SYT16: variants seen among roughly 807,000 people sequenced by gnomAD.
SYT16 encodes synaptotagmin 16.
A neutral mutation model predicts 61.4 loss-of-function variants in SYT16; 42 were observed. The ratio of observed to expected loss-of-function variants is 0.68; its 90% CI spans 0.53 to 0.89. SYT16 has a LOEUF of 0.89. SYT16 is among the 40% of genes least tolerant of loss of function. The pLI, the probability that SYT16 is intolerant of heterozygous loss-of-function variation, is 0.00. For missense variants in SYT16, 804 were observed against 807.3 expected, an observed-to-expected ratio of 1.00 and a Z score of 0.05; for synonymous variants, 314 against 302.3, an observed-to-expected ratio of 1.04 and a Z score of -0.40.
chr14:61,883,715 C>T (rs555257550), intron 1 of SYT16, among the ~76,000 whole-genome samples: 1 of 152,294 alleles, frequency 6.6e-6, no homozygotes, highest in African/African-American at 2.4e-5. Flanking sequence ...TACCAATTTA[C>T]TGTATTAGTC....
At chr14:61,967,847 A>C (rs536750231) in intron 1 of SYT16, among the ~76,000 whole-genome samples, 3 of 152,278 alleles carry the variant, frequency 2.0e-5, no homozygotes, top group Middle Eastern at 3.4e-3. Context: ...GAAATGACTT[A>C]TACATTTCAG....
intron 1 of SYT16, among the ~76,000 whole-genome samples, chr14:61,906,299 TA>T (rs1175427038): frequency 2.0e-5 from 3 of 152,194 alleles, no homozygotes; most frequent in Non-Finnish European, 4.4e-5. Context: ...TTATGTTTTT[TA>T]GTAGCACAGT....
chr14:62,080,852 T>C lies in SYT16; in HGVS notation c.1012T>C (p.Leu338=). 1 of 1,599,980 alleles carries C rather than the reference T, an allele frequency of 6.3e-7. No individual in the cohort carries two copies. Among genetic ancestry groups the C allele is most frequent in the Non-Finnish European group, 8.5e-7 (1 of 1,172,990 alleles). The change falls in exon 6 of 8, where the codon TTG becomes CTG. Residue 338 remains leucine, a synonymous_variant. Coordinates refer to ENST00000683842, the MANE Select transcript of SYT16 (RefSeq NM_001367656.1). ...WSPEEQDRTN[L]QVPSGVSEPI... ...GCAACAGGAACAGGACAGGACCAATTTGCAGGTGCCATCCGGGGTCTCAGA... is the reference window on the plus strand; with the variant it reads ...GCAACAGGAACAGGACAGGACCAATCTGCAGGTGCCATCCGGGGTCTCAGA...
At chr14:61,872,068 A>ATACT (rs2047348647) in intron 1 of SYT16, among the ~76,000 whole-genome samples, 1 of 152,220 alleles carries the variant, frequency 6.6e-6, no homozygotes, top group Non-Finnish European at 1.5e-5. Flanking sequence ...AATAAATAGT[A>ATACT]GTTATCAATA....
chr14:61,978,467 G>GT (rs1416518736), intron 2 of SYT16, among the ~76,000 whole-genome samples: 3 of 152,218 alleles, frequency 2.0e-5, no homozygotes, highest in Non-Finnish European at 4.4e-5. Flanking sequence ...TGTAACCTCA[G>GT]TTGAACCACA....
chr14:61,882,481 A>T (rs1379017239), intron 1 of SYT16, among the ~76,000 whole-genome samples: 4 of 152,190 alleles, frequency 2.6e-5, no homozygotes, highest in Non-Finnish European at 4.4e-5. Context: ...CATGGGAGAA[A>T]CTACCCTCAT....
At position 62,103,483 on chromosome 14, in the gene SYT16, A is replaced by C. The variant is rs916517636; in HGVS notation, c.*2776A>C. 1.3e-5 allele frequency: 2 copies of C among 152,212 alleles called. No individual in the cohort carries two copies. The highest frequency in any genetic ancestry group is 4.8e-5 in the African/African-American group (2 of 41,456). 9.4% of individuals were successfully genotyped at this position (152,212 alleles called of 1,614,324 possible). Reference sequence around the variant, plus strand: ...CTGGGTTTATGGAAATCTGCTTTATAGTGTGCCTTCTTTTAGGGTGTGAGT... The same window carrying C: ...CTGGGTTTATGGAAATCTGCTTTATCGTGTGCCTTCTTTTAGGGTGTGAGT... On this transcript the variant is annotated 3_prime_UTR_variant, in exon 8 of 8. Transcript: ENST00000683842.
At chr14:61,839,215 G>T (rs754714777) in intron 1 of SYT16, among the ~76,000 whole-genome samples, 61 of 152,298 alleles carry the variant, frequency 4.0e-4, no homozygotes, top group South Asian at 8.3e-4. Flanking sequence ...AGGTGTTTAG[G>T]TGATAGGGCT....
chr14:62,093,179 A>G (rs1342927378), intron 7 of SYT16, among the ~76,000 whole-genome samples: 1 of 152,154 alleles, frequency 6.6e-6, no homozygotes, highest in East Asian at 1.9e-4. Flanking sequence ...AATAGAAGAG[A>G]GTAGAGATTT....
At position 62,067,912 on chromosome 14, in the gene SYT16, G is replaced by A. The variant is rs529341413; in HGVS notation, c.524-1691G>A. Among the ~76,000 whole-genome samples, 87 of 152,320 alleles carry A rather than the reference G, an allele frequency of 5.7e-4. 1 individual carries two copies. In the South Asian group the frequency reaches 0.017, roughly 30 times the overall value. On this transcript the variant is annotated intron_variant, in intron 3 of 7. Transcript: ENST00000683842. ...GAGGCACGAGAATTGCTTGAACCTA[G>A]GAGACAGAGGTTGCAGTGAGCTGAG... is the stretch of plus-strand genomic sequence containing the variant.
chr14:62,089,208 A>G (rs1236963419), intron 7 of SYT16, among the ~76,000 whole-genome samples: 1 of 151,990 alleles, frequency 6.6e-6, no homozygotes, highest in Non-Finnish European at 1.5e-5. Flanking sequence ...AATCCCAGCT[A>G]CTTAGGAGGC....
chr14:62,083,737 T>C (rs180675963), intron 6 of SYT16, among the ~76,000 whole-genome samples: 118 of 152,274 alleles, frequency 7.7e-4, no homozygotes, highest in African/African-American at 2.6e-3. Context: ...TCATTTCTTT[T>C]ATAGTTAAGA....
At chr14:61,835,250 A>ATTTTT (rs11378872) in intron 1 of SYT16, among the ~76,000 whole-genome samples, 19 of 110,802 alleles carry the variant, frequency 1.7e-4, no homozygotes, top group African/African-American at 3.2e-4. Flanking sequence ...TGAAAGGTGA[A>ATTTTT]TTTTTTTTTT....
intron 3 of SYT16, among the ~76,000 whole-genome samples, chr14:62,018,188 C>T (rs2053768115): frequency 6.6e-6 from 1 of 152,010 alleles, no homozygotes; most frequent in Non-Finnish European, 1.5e-5. Context: ...CAATAAGGTC[C>T]TGTGTCATCT....
intron 7 of SYT16, 82 bp downstream of exon 7, chr14:62,084,467 A>AT (rs1462111837): frequency 1.8e-5 from 26 of 1,432,848 alleles, no homozygotes; most frequent in Middle Eastern, 2.5e-4. Flanking sequence ...TAGTTCTTTA[A>AT]TTTTTACCAT....
At chr14:61,936,688 C>A (rs1566695557) in intron 1 of SYT16, among the ~76,000 whole-genome samples, 2 of 152,260 alleles carry the variant, frequency 1.3e-5, no homozygotes, top group East Asian at 3.9e-4. Context: ...TGCCACCTGT[C>A]TGTCCCCTCC....
At chr14:61,875,301 CCTTT>C (rs1555350924) in intron 1 of SYT16, among the ~76,000 whole-genome samples, 2 of 152,128 alleles carry the variant, frequency 1.3e-5, no homozygotes, top group Non-Finnish European at 2.9e-5. Context: ...GTGACTTTGA[CCTTT>C]CTATGTTTGG....
chr14:62,017,180 AT>A (rs1421534491), intron 3 of SYT16, among the ~76,000 whole-genome samples: 6 of 152,224 alleles, frequency 3.9e-5, no homozygotes, highest in African/African-American at 1.2e-4. Flanking sequence ...TTTATTAATA[AT>A]TCTTTAGAGA....
intron 1 of SYT16, among the ~76,000 whole-genome samples, chr14:61,949,024 A>T (rs2050560701): frequency 6.6e-6 from 1 of 152,174 alleles, no homozygotes; most frequent in South Asian, 2.1e-4. Context: ...TAGTAGATGG[A>T]TGGAAATAGA....
Sources: gnomAD v4.1 joint callset for allele counts (sites outside exome capture counted in the v4.1 genomes callset) on GRCh38, gnomAD v4.1.1 for gene constraint, MANE v1.5 for transcripts, NCBI Gene and HGNC (gene_info 2026-07-23, HGNC 2026-07-21) for gene names.